Variants in PIK3C2G observed in about 807,000 individuals in gnomAD.
PIK3C2G encodes phosphatidylinositol 3-kinase C2 domain-containing subunit gamma.
PIK3C2G carries 168 observed loss-of-function variants against 181.1 expected under a neutral mutation model. The observed-to-expected ratio is 0.93, with a 90% CI of 0.82 to 1.05. PIK3C2G has a LOEUF of 1.05. PIK3C2G is among the 50% of genes least tolerant of loss of function. The probability of loss-of-function intolerance (pLI) is 0.00; values close to 1 mark genes in which losing one functional copy is unlikely to be tolerated. For missense variants in PIK3C2G, 1,869 were observed against 1,732.8 expected (o/e 1.08, Z -1.40); for synonymous variants, 573 against 592.2 (o/e 0.97, Z 0.47).
chr12:18,410,973 G>T (rs1243269470), intron 16 of PIK3C2G, among the ~76,000 whole-genome samples: 1 of 152,082 alleles, frequency 6.6e-6, no homozygotes, highest in Non-Finnish European at 1.5e-5. Flanking sequence ...TGACCATCTA[G>T]TTAATTCCCA....
intron 24 of PIK3C2G, among the ~76,000 whole-genome samples, chr12:18,529,633 A>G (rs1445067069): frequency 3.3e-5 from 5 of 152,224 alleles, no homozygotes; most frequent in Non-Finnish European, 7.3e-5. Flanking sequence ...GTATTTGTTT[A>G]AAGAATAATT....
chr12:18,355,861 C>A (rs1940679902), intron 11 of PIK3C2G, among the ~76,000 whole-genome samples: 1 of 152,160 alleles, frequency 6.6e-6, no homozygotes, highest in Admixed American at 6.5e-5. Flanking sequence ...ATCATTGCTG[C>A]TGTTTGTAGT....
Position 18,471,711 on chromosome 12 carries a change from T to C in PIK3C2G, c.2505-16738T>C, listed in dbSNP as rs924598215. ...GGTAATTTCTTCCTAACTGATTTTC[T>C]GTACCAAAAAAATTTATACTATTAT... is the stretch of plus-strand genomic sequence containing the variant. On this transcript the variant is annotated intron_variant, in intron 18 of 32. Coordinates refer to ENST00000538779, the MANE Select transcript of PIK3C2G (RefSeq NM_001288772.2). Among the ~76,000 whole-genome samples the C allele has an allele frequency of 2.6e-5, 4 of 152,170 alleles. No homozygotes were observed. The East Asian group carries it at 5.8e-4, about 22-fold the overall frequency.
At chr12:18,630,368 G>A (rs959866560) in intron 31 of PIK3C2G, among the ~76,000 whole-genome samples, 17 of 152,118 alleles carry the variant, frequency 1.1e-4, no homozygotes, top group African/African-American at 3.6e-4. Context: ...CCCCAGCCCG[G>A]GTAACAGAGC....
At chr12:18,610,848 T>C (rs940967880) in intron 31 of PIK3C2G, among the ~76,000 whole-genome samples, 5 of 152,258 alleles carry the variant, frequency 3.3e-5, no homozygotes, top group South Asian at 4.1e-4. Context: ...GTACTTCATA[T>C]ATGAAAATTA....
chr12:18,262,170 C>A (rs752436696), intron 1 of PIK3C2G, among the ~76,000 whole-genome samples: 1 of 152,070 alleles, frequency 6.6e-6, no homozygotes, highest in African/African-American at 2.4e-5. Flanking sequence ...CCTCTTTATT[C>A]GTAGCTCACT....
At chr12:18,703,046 C>T in the PIK3C2G span, among the ~76,000 whole-genome samples, 5 of 152,056 alleles carry the variant, frequency 3.3e-5, no homozygotes, top group African/African-American at 1.2e-4. Context: ...AAGCTATGTA[C>T]GGGAATGCTA....
chr12:18,679,911 C>A, the PIK3C2G span, among the ~76,000 whole-genome samples: 2 of 151,974 alleles, frequency 1.3e-5, no homozygotes, highest in Non-Finnish European at 2.9e-5. Flanking sequence ...ATCTCTTCAT[C>A]AGTTCAAATC....
At chr12:18,540,320 T>G (rs1325348924) in intron 25 of PIK3C2G, among the ~76,000 whole-genome samples, 1 of 151,892 alleles carries the variant, frequency 6.6e-6, no homozygotes, top group Non-Finnish European at 1.5e-5. Context: ...TTTTAACAAT[T>G]GCTTTAACCT....
At chr12:18,651,181 G>A (rs936865081), downstream of PIK3C2G, among the ~76,000 whole-genome samples, 1 of 151,884 alleles carries the variant, frequency 6.6e-6, no homozygotes, top group Non-Finnish European at 1.5e-5. Flanking sequence ...CTCCAGGCAC[G>A]CTTCATCCCT....
chr12:18,664,707 C>T, the PIK3C2G span, among the ~76,000 whole-genome samples: 115 of 151,664 alleles, frequency 7.6e-4, no homozygotes, highest in Middle Eastern at 6.8e-3. Context: ...CACATGCACA[C>T]GTATGTTTAT....
chr12:18,554,340 C>T (rs1447163608), intron 26 of PIK3C2G, among the ~76,000 whole-genome samples: 11 of 152,066 alleles, frequency 7.2e-5, no homozygotes, highest in African/African-American at 2.4e-4. Flanking sequence ...AGAAAAACAT[C>T]TACATGCTTA....
At chr12:18,422,517 T>C (rs1945547207) in intron 17 of PIK3C2G, among the ~76,000 whole-genome samples, 1 of 152,208 alleles carries the variant, frequency 6.6e-6, no homozygotes, top group African/African-American at 2.4e-5. Flanking sequence ...ACCCTAAGGC[T>C]GTAACAAAAC....
At chr12:18,436,881 A>C (rs12424649) in intron 18 of PIK3C2G, among the ~76,000 whole-genome samples, 15,001 of 151,974 alleles carry the variant, frequency 0.099, 1,107 homozygotes, top group Admixed American at 0.26. Context: ...TGATTTAAAA[A>C]CGATGTTTAT....
chr12:18,299,453 G>T (rs569446117), intron 5 of PIK3C2G, among the ~76,000 whole-genome samples: 2 of 151,816 alleles, frequency 1.3e-5, no homozygotes, highest in Non-Finnish European at 2.9e-5. Context: ...GGAATCTTCA[G>T]GTTTTTCTGA....
At chr12:18,700,020 G>T in the PIK3C2G span, 1 of 1,255,268 alleles carries the variant, frequency 8.0e-7, no homozygotes. Context: ...TTCTAGTAAA[G>T]AAAATACACT....
At chr12:18,690,246 G>C in the PIK3C2G span, among the ~76,000 whole-genome samples, 1 of 151,984 alleles carries the variant, frequency 6.6e-6, no homozygotes, top group Non-Finnish European at 1.5e-5. Flanking sequence ...TCTTTGAGAC[G>C]AACTTTGGCT....
At chr12:18,601,760 C>A (rs10841045) in intron 30 of PIK3C2G, among the ~76,000 whole-genome samples, 34,911 of 151,922 alleles carry the variant, frequency 0.23, 3,967 homozygotes, top group Non-Finnish European at 0.24. Flanking sequence ...CAACAAAAAA[C>A]GTCCAAATAG....
chr12:18,663,968 A>G, the PIK3C2G span, among the ~76,000 whole-genome samples: 1,771 of 152,326 alleles, frequency 0.012, 31 homozygotes, highest in African/African-American at 0.041. Context: ...CAAAGAAGAT[A>G]TACAAATGGC....
Sources: allele counts gnomAD v4.1 joint callset (sites outside exome capture counted in the v4.1 genomes callset), GRCh38; gene constraint gnomAD v4.1.1; transcripts MANE v1.5; gene names NCBI Gene and HGNC (gene_info 2026-07-23, HGNC 2026-07-21).